PKIG: variants seen among roughly 807,000 people sequenced by gnomAD.
The protein encoded by PKIG is protein kinase (cAMP-dependent, catalytic) inhibitor gamma.
A neutral mutation model predicts 6.8 loss-of-function variants in PKIG; 1 was observed. The observed-to-expected ratio is 0.15, with a 90% CI of 0.05 to 0.69. PKIG has a LOEUF of 0.69. PKIG is among the 30% of genes least tolerant of loss of function. The probability of loss-of-function intolerance (pLI) is 0.82; values close to 1 mark genes in which losing one functional copy is unlikely to be tolerated. For missense variants in PKIG, 77 were observed against 104.0 expected (o/e 0.74, Z 1.13); for synonymous variants, 39 against 43.0 (o/e 0.91, Z 0.36).
intron 1 of PKIG, among the ~76,000 whole-genome samples, chr20:44,547,897 C>G (rs2064630458): frequency 6.6e-6 from 1 of 152,064 alleles, no homozygotes; most frequent in Middle Eastern, 3.4e-3. Flanking sequence ...TAAAAATAGG[C>G]TGGGCATGGT....
chr20:44,562,965 G>A (rs1049250526), intron 1 of PKIG, among the ~76,000 whole-genome samples: 2 of 152,082 alleles, frequency 1.3e-5, no homozygotes, highest in Admixed American at 6.6e-5. Flanking sequence ...CAGGAGAATC[G>A]CTTGAACCCA....
At chr20:44,533,286 T>A (rs1430105241) in intron 1 of PKIG, among the ~76,000 whole-genome samples, 3 of 152,138 alleles carry the variant, frequency 2.0e-5, no homozygotes, top group African/African-American at 7.2e-5. Context: ...TGTCTCAGCC[T>A]CCCAAGCAGC....
chr20:44,582,081 C>T (rs1350013377), upstream of PKIG, among the ~76,000 whole-genome samples: 1 of 152,166 alleles, frequency 6.6e-6, no homozygotes, highest in Non-Finnish European at 1.5e-5. Context: ...CACACATCAC[C>T]TCCCCTACAT....
intron 1 of PKIG, among the ~76,000 whole-genome samples, chr20:44,588,060 G>GC (rs1012238037): frequency 5.2e-4 from 79 of 152,290 alleles, no homozygotes; most frequent in Admixed American, 1.0e-3. Context: ...GTGAAAATGT[G>GC]CCCCAAGATG....
intron 1 of PKIG, among the ~76,000 whole-genome samples, chr20:44,542,765 G>A (rs191592101): frequency 2.0e-5 from 3 of 152,024 alleles, no homozygotes. Flanking sequence ...GCTAATTTTT[G>A]TATTTTTAGT....
intron 1 of PKIG, among the ~76,000 whole-genome samples, 194 bp downstream of exon 1, chr20:44,582,925 A>G (rs1394397522): frequency 2.0e-5 from 3 of 152,244 alleles, no homozygotes; most frequent in Non-Finnish European, 4.4e-5. Context: ...CGGAGCCTCC[A>G]GTCTCACAAA....
At chr20:44,585,574 A>G (rs947565233) in intron 1 of PKIG, among the ~76,000 whole-genome samples, 2 of 152,328 alleles carry the variant, frequency 1.3e-5, no homozygotes, top group Middle Eastern at 3.4e-3. Context: ...TTGAGTTCCC[A>G]ATGAGAACTG....
intron 1 of PKIG, among the ~76,000 whole-genome samples, chr20:44,548,274 A>G (rs994932217): frequency 1.3e-5 from 2 of 152,156 alleles, no homozygotes; most frequent in Non-Finnish European, 2.9e-5. Flanking sequence ...ATTAATCACA[A>G]TTTTCCAGAG....
At position 44,610,738 on chromosome 20, in the gene PKIG, A is replaced by G. The variant is rs1379471505; in HGVS notation, c.-23-3796A>G. 2.0e-5 allele frequency among the ~76,000 whole-genome samples: 3 copies of G among 152,272 alleles called. No individual in the cohort carries two copies. In the East Asian group the frequency reaches 5.8e-4, roughly 29 times the overall value. The stretch of plus-strand genomic sequence containing the variant: ...AGATGTTTTTTCAGATTTTTTTTTC[A>G]TATGTCTGCTATCTTTCCCCACAGG... On this transcript the variant is annotated intron_variant, in intron 2 of 3. Coordinates refer to ENST00000372886, the MANE Select transcript of PKIG (RefSeq NM_001281445.2).
intron 2 of PKIG, among the ~76,000 whole-genome samples, chr20:44,594,688 C>T (rs997825506): frequency 5.3e-5 from 8 of 152,158 alleles, no homozygotes; most frequent in Non-Finnish European, 1.2e-4. Flanking sequence ...CCCTCTTCGG[C>T]TCTGTCTCCT....
At chr20:44,601,371 C>T (rs2065120350) in intron 2 of PKIG, among the ~76,000 whole-genome samples, 2 of 152,258 alleles carry the variant, frequency 1.3e-5, no homozygotes, top group Non-Finnish European at 2.9e-5. Flanking sequence ...AGGCTCCTCT[C>T]TGGTGACCTT....
At chr20:44,581,204 G>A (rs2064945229), upstream of PKIG, among the ~76,000 whole-genome samples, 1 of 152,146 alleles carries the variant, frequency 6.6e-6, no homozygotes, top group African/African-American at 2.4e-5. Flanking sequence ...TCTTATCCAG[G>A]AAGGAGAGAT....
intron 1 of PKIG, among the ~76,000 whole-genome samples, chr20:44,588,182 C>A (rs140772258): frequency 6.6e-6 from 1 of 152,272 alleles, no homozygotes; most frequent in Non-Finnish European, 1.5e-5. Context: ...ACCTAATATC[C>A]GCCAGGCACT....
In PKIG at chr20:44,574,810, T is replaced by C. The variant is rs538472478; in HGVS notation, c.-240-7775T>C. On this transcript the variant is annotated intron_variant, in intron 1 of 4. Transcript: ENST00000372887. Reference sequence around the variant, plus strand: ...GTCTCGAACTCCTGACCTCAGGTGATCTACCTGCCTTGGCCTCCCAAAGTG... The same window carrying C: ...GTCTCGAACTCCTGACCTCAGGTGACCTACCTGCCTTGGCCTCCCAAAGTG... Among the ~76,000 whole-genome samples, 7 of 151,722 alleles carry C rather than the reference T, an allele frequency of 4.6e-5. 1 individual carries two copies. In the South Asian group the frequency reaches 1.5e-3, roughly 32 times the overall value.
At chr20:44,585,953 G>A (rs1362982582) in intron 1 of PKIG, among the ~76,000 whole-genome samples, 2 of 152,196 alleles carry the variant, frequency 1.3e-5, no homozygotes, top group African/African-American at 4.8e-5. Context: ...GGAATAGCAG[G>A]TAAGAGCTCT....
chr20:44,575,856 A>AT (rs1179800376), intron 1 of PKIG, among the ~76,000 whole-genome samples: 2 of 152,036 alleles, frequency 1.3e-5, no homozygotes, highest in Non-Finnish European at 2.9e-5. Flanking sequence ...GGATCCCTTA[A>AT]TTTTTTGGCC....
chr20:44,563,526 ATTT>A (rs2064785613), intron 1 of PKIG, among the ~76,000 whole-genome samples: 1 of 151,860 alleles, frequency 6.6e-6, no homozygotes, highest in African/African-American at 2.4e-5. Flanking sequence ...TGTCGTGTCA[ATTT>A]CTTGTTTTTC....
In PKIG at chr20:44,595,289, C is replaced by T. The variant is rs80212763; in HGVS notation, c.-24+5423C>T. Among the ~76,000 whole-genome samples, 1,467 of 152,302 alleles carry T rather than the reference C, an allele frequency of 9.6e-3. 6 individuals carry two copies. Among genetic ancestry groups the T allele is most frequent in the Non-Finnish European group, 0.016 (1,115 of 68,032 alleles). On this transcript the variant is annotated intron_variant, in intron 2 of 3. Transcript: ENST00000372886. ...CTCAAACTCTCAAATGTGTCTGTGA[C>T]CCTTAAAGTTTAAGAACACTGGTCT...
intron 1 of PKIG, among the ~76,000 whole-genome samples, chr20:44,575,108 G>T (rs542558758): frequency 6.6e-6 from 1 of 152,150 alleles, no homozygotes; most frequent in South Asian, 2.1e-4. Flanking sequence ...CTGGAGTGCA[G>T]TGGCACCATC....
Sources: allele counts gnomAD v4.1 joint callset (sites outside exome capture counted in the v4.1 genomes callset), GRCh38; gene constraint gnomAD v4.1.1; transcripts MANE v1.5; gene names NCBI Gene and HGNC (gene_info 2026-07-23, HGNC 2026-07-21).